ACTN2: variants seen among roughly 807,000 people sequenced by gnomAD.
ACTN2 encodes the protein actinin alpha 2.
In ACTN2, 39 loss-of-function variants were observed where a neutral mutation model predicts 113.8. The observed-to-expected ratio is 0.34, with a 90% CI of 0.27 to 0.45. The LOEUF is 0.45. Ranked by LOEUF, ACTN2 falls within the 20% of genes least tolerant of loss-of-function variation. The pLI is 1.00. For synonymous variants in ACTN2, 429 were observed against 444.1 expected (o/e 0.97, Z 0.43); for missense variants, 992 against 1,177.9 (o/e 0.84, Z 2.31).
chr1:236,711,960 A>C (rs550505334), intron 1 of ACTN2, among the ~76,000 whole-genome samples: 3 of 152,266 alleles, frequency 2.0e-5, no homozygotes, highest in African/African-American at 7.2e-5. Flanking sequence ...TGATTCAGTA[A>C]AGCAACATTT....
At chr1:236,739,765 A>G (rs1428185992) in intron 10 of ACTN2, among the ~76,000 whole-genome samples, 1 of 152,186 alleles carries the variant, frequency 6.6e-6, no homozygotes, top group Non-Finnish European at 1.5e-5. Flanking sequence ...GACCTTTAGG[A>G]AACGCTCGAT....
Position 236,737,315 on chromosome 1 carries a change from A to ATATATATATATATATATATATATATG in ACTN2, c.876+104_876+105insATATATATATATATATATATATGTAT, listed in dbSNP as rs1428788821. 1.9e-4 allele frequency: 56 copies of ATATATATATATATATATATATATATG among 295,056 alleles called. 2 individuals are homozygous for ATATATATATATATATATATATATATG. Among genetic ancestry groups the ATATATATATATATATATATATATATG allele is most frequent in the African/African-American group, 1.2e-3 (52 of 43,666 alleles). The allele number at this position is 295,056 out of a possible 1,614,324, so 18.3% of individuals were successfully genotyped here. ...CGTGGGGGCATATATATATATATAT[A>ATATATATATATATATATATATATATG]TATTTTGCATTTTTCATCTCAGATA... On this transcript the variant is annotated intron_variant, in intron 9 of 20. Transcript: ENST00000366578.
intron 8 of ACTN2, among the ~76,000 whole-genome samples, chr1:236,736,324 G>A (rs1409508780): frequency 6.6e-6 from 1 of 152,224 alleles, no homozygotes; most frequent in East Asian, 1.9e-4. Flanking sequence ...GGCGGAGTAT[G>A]CATTATTTCA....
intron 1 of ACTN2, among the ~76,000 whole-genome samples, chr1:236,695,242 G>A (rs1211572290): frequency 6.6e-6 from 1 of 151,306 alleles, no homozygotes; most frequent in African/African-American, 2.4e-5. Context: ...GCTGGGTATG[G>A]TGATGTCTGC....
At chr1:236,706,457 T>C (rs1432908548) in intron 1 of ACTN2, among the ~76,000 whole-genome samples, 1 of 152,142 alleles carries the variant, frequency 6.6e-6, no homozygotes, top group African/African-American at 2.4e-5. Context: ...CCTCGGAAAA[T>C]GCTTGAGTTG....
In ACTN2 at chr1:236,697,987, T is replaced by C. The variant is rs149395061; in HGVS notation, c.126+11188T>C. Among the ~76,000 whole-genome samples, 886 of 150,020 alleles carry C rather than the reference T, an allele frequency of 5.9e-3. 7 individuals are homozygous for C. The highest frequency in any genetic ancestry group is 0.011 in the Admixed American group (172 of 15,014). The stretch of plus-strand genomic sequence containing the variant: ...CAAGGTTTCACCATGTTCATCAGGC[T>C]GGTCTTGAGCTCCTGACCTCAGGTG... On this transcript the variant is annotated intron_variant, in intron 1 of 20. Transcript: ENST00000366578.
intron 1 of ACTN2, among the ~76,000 whole-genome samples, chr1:236,688,014 A>G (rs1665936641): frequency 6.6e-6 from 1 of 152,176 alleles, no homozygotes; most frequent in African/African-American, 2.4e-5. Flanking sequence ...TTCTTAGAAA[A>G]TGGGAGTAAT....
At chr1:236,720,701 C>G (rs1340694910) in intron 4 of ACTN2, among the ~76,000 whole-genome samples, 2 of 152,108 alleles carry the variant, frequency 1.3e-5, no homozygotes, top group South Asian at 4.1e-4. Context: ...ATCATAGAAT[C>G]TTAATCCTTG....
At chr1:236,723,632 AT>A (rs1403506185) in intron 4 of ACTN2, among the ~76,000 whole-genome samples, 2 of 151,920 alleles carry the variant, frequency 1.3e-5, no homozygotes, top group African/African-American at 4.8e-5. Context: ...TGCCCGGCTA[AT>A]TTTTGTATTT....
intron 7 of ACTN2, among the ~76,000 whole-genome samples, chr1:236,735,045 T>A (rs570902031): frequency 1.3e-5 from 2 of 152,344 alleles, no homozygotes; most frequent in East Asian, 3.9e-4. Context: ...TTTGTTATTC[T>A]TGGTGATTTC....
intron 2 of ACTN2, 29 bp from the exon 3 acceptor site, chr1:236,718,865 G>A: frequency 6.2e-7 from 1 of 1,614,118 alleles, no homozygotes; most frequent in Non-Finnish European, 8.5e-7. Flanking sequence ...CTGTCTCTAT[G>A]TCTGCATGAT....
At chr1:236,702,245 C>G (rs1228963837) in intron 1 of ACTN2, among the ~76,000 whole-genome samples, 2 of 151,982 alleles carry the variant, frequency 1.3e-5, no homozygotes, top group Admixed American at 6.6e-5. Context: ...GGAATATGGA[C>G]GATTAATGAA....
chr1:236,732,046 TG>T (rs1658725818), intron 7 of ACTN2, among the ~76,000 whole-genome samples: 1 of 152,254 alleles, frequency 6.6e-6, no homozygotes, highest in South Asian at 2.1e-4. Context: ...TATATTACTT[TG>T]TTCGTTATTG....
At chr1:236,697,915 A>G (rs1159021112) in intron 1 of ACTN2, among the ~76,000 whole-genome samples, 4 of 146,336 alleles carry the variant, frequency 2.7e-5, no homozygotes, top group African/African-American at 7.6e-5. Flanking sequence ...ACCTGCCATC[A>G]TGCCTGGCTA....
intron 20 of ACTN2, among the ~76,000 whole-genome samples, chr1:236,762,163 G>A (rs983924357): frequency 2.6e-5 from 4 of 152,036 alleles, no homozygotes; most frequent in Non-Finnish European, 5.9e-5. Flanking sequence ...TTTCTGGTAT[G>A]AAATGCAGAT....
At chr1:236,699,475 G>A (rs555957387) in intron 1 of ACTN2, among the ~76,000 whole-genome samples, 1 of 152,274 alleles carries the variant, frequency 6.6e-6, no homozygotes, top group East Asian at 1.9e-4. Flanking sequence ...TTTAGGGGCC[G>A]TCCCATGAAG....
chr1:236,739,232 A>AT (rs34704730), intron 9 of ACTN2, 70 bp from the exon 10 acceptor site: 19,876 of 1,165,416 alleles, frequency 0.017, no homozygotes, highest in Non-Finnish European at 0.02. Flanking sequence ...TGGATGCCTC[A>AT]TTTTTTTTTT....
At chr1:236,718,006 G>T (rs767764803) in intron 2 of ACTN2, 34 bp downstream of exon 2, 1 of 1,500,024 alleles carries the variant, frequency 6.7e-7, no homozygotes, top group African/African-American at 1.4e-5. Flanking sequence ...ATGCTTTCAT[G>T]TGTTATCAGT....
chr1:236,711,370 C>T (rs546324718), intron 1 of ACTN2, among the ~76,000 whole-genome samples: 14 of 151,928 alleles, frequency 9.2e-5, no homozygotes, highest in African/African-American at 2.9e-4. Context: ...TATTTTTTTG[C>T]GACAGAGGCT....
Sources: allele counts gnomAD v4.1 joint callset (sites outside exome capture counted in the v4.1 genomes callset), GRCh38; gene constraint gnomAD v4.1.1; transcripts MANE v1.5; gene names NCBI Gene and HGNC (gene_info 2026-07-23, HGNC 2026-07-21).